FARS2: variants seen among roughly 807,000 people sequenced by gnomAD.
The protein encoded by FARS2 is phenylalanyl-tRNA synthetase 2, mitochondrial.
In FARS2, 40 loss-of-function variants were observed where a neutral mutation model predicts 46.4. The ratio of observed to expected loss-of-function variants is 0.86; its 90% CI spans 0.67 to 1.12. The LOEUF is 1.12. Ranked by LOEUF, FARS2 falls within the 50% of genes most tolerant of loss-of-function variation. The probability of loss-of-function intolerance (pLI) is 0.00; values close to 1 mark genes in which losing one functional copy is unlikely to be tolerated. For synonymous variants in FARS2, 234 were observed against 214.9 expected, an observed-to-expected ratio of 1.09 and a Z score of -0.78; for missense variants, 513 against 567.9, an observed-to-expected ratio of 0.90 and a Z score of 0.98.
At chr6:5,572,311 G>A (rs1366719089) in intron 5 of FARS2, among the ~76,000 whole-genome samples, 2 of 151,884 alleles carry the variant, frequency 1.3e-5, no homozygotes, top group African/African-American at 2.4e-5. Flanking sequence ...GACAGTTGGG[G>A]GTGGGGAGGT....
At chr6:5,623,449 C>T (rs1298924462) in intron 6 of FARS2, among the ~76,000 whole-genome samples, 2 of 152,142 alleles carry the variant, frequency 1.3e-5, no homozygotes, top group Admixed American at 6.5e-5. Flanking sequence ...CACGGTGGCT[C>T]ATGTGTGTAA....
intron 5 of FARS2, among the ~76,000 whole-genome samples, chr6:5,609,058 A>G (rs1189214983): frequency 6.6e-6 from 1 of 152,170 alleles, no homozygotes; most frequent in Non-Finnish European, 1.5e-5. Flanking sequence ...TCACAAATAC[A>G]GTCCTCAGTT....
intron 6 of FARS2, among the ~76,000 whole-genome samples, chr6:5,729,320 A>G (rs1760478208): frequency 6.6e-6 from 1 of 152,274 alleles, no homozygotes; most frequent in Middle Eastern, 3.4e-3. Context: ...GGAGGTGTCC[A>G]GTTAGGCCCT....
At chr6:5,530,580 A>C (rs1277134069) in intron 4 of FARS2, among the ~76,000 whole-genome samples, 1 of 151,324 alleles carries the variant, frequency 6.6e-6, no homozygotes, top group African/African-American at 2.4e-5. Flanking sequence ...TATACACAGA[A>C]GTATTCAGTG....
chr6:5,660,098 T>A (rs939560499), intron 6 of FARS2, among the ~76,000 whole-genome samples: 1 of 152,186 alleles, frequency 6.6e-6, no homozygotes. Context: ...TCCACCAATC[T>A]TGCACTCTCT....
chr6:5,712,398 C>T (rs1345482731), intron 6 of FARS2, among the ~76,000 whole-genome samples: 1 of 152,190 alleles, frequency 6.6e-6, no homozygotes, highest in Non-Finnish European at 1.5e-5. Flanking sequence ...CCAGGCCTCC[C>T]AGTCTCTTGC....
chr6:5,570,012 A>G (rs1010667253), intron 5 of FARS2, among the ~76,000 whole-genome samples: 10 of 152,314 alleles, frequency 6.6e-5, no homozygotes, highest in African/African-American at 2.2e-4. Context: ...GGATCCTTCA[A>G]TTCTTGAACC....
chr6:5,733,110 C>A (rs1760741570), intron 6 of FARS2, among the ~76,000 whole-genome samples: 1 of 152,296 alleles, frequency 6.6e-6, no homozygotes, highest in South Asian at 2.1e-4. Flanking sequence ...AGATAATTAA[C>A]CTCAGGGTCA....
chr6:5,672,272 A>C (rs1014080493), intron 6 of FARS2, among the ~76,000 whole-genome samples: 1 of 152,162 alleles, frequency 6.6e-6, no homozygotes, highest in Non-Finnish European at 1.5e-5. Flanking sequence ...GCCCGCCCTA[A>C]GACTCTATCC....
chr6:5,445,227 T>G (rs529339066), intron 4 of FARS2, among the ~76,000 whole-genome samples: 32 of 152,116 alleles, frequency 2.1e-4, no homozygotes, highest in Non-Finnish European at 4.0e-4. Flanking sequence ...CTCATATAAT[T>G]GGATTTTATT....
chr6:5,406,589 C>A (rs1307258559), intron 3 of FARS2, among the ~76,000 whole-genome samples: 2 of 152,194 alleles, frequency 1.3e-5, no homozygotes, highest in African/African-American at 2.4e-5. Flanking sequence ...TGAAATTCAT[C>A]CATATCATAG....
intron 1 of FARS2, among the ~76,000 whole-genome samples, chr6:5,332,718 A>C (rs1447825120): frequency 6.6e-6 from 1 of 152,218 alleles, no homozygotes; most frequent in East Asian, 1.9e-4. Context: ...AACAAGGGCA[A>C]TGTTATGTGG....
In FARS2 at chr6:5,687,260, C is replaced by T. The variant is rs191596288; in HGVS notation, c.1217+73940C>T. Among the ~76,000 whole-genome samples, 348 of 152,196 alleles carry T rather than the reference C, an allele frequency of 2.3e-3. 2 individuals carry two copies. Among genetic ancestry groups the T allele is most frequent in the Non-Finnish European group, 4.0e-3 (272 of 67,974 alleles). The stretch of plus-strand genomic sequence containing the variant: ...GCCATTGCTTTTGGTGTTTTAGACA[C>T]GAAGTCCTTGCCCATGCCTATGCCC... On this transcript the variant is annotated intron_variant, in intron 6 of 6. Coordinates refer to ENST00000274680, the MANE Select transcript of FARS2 (RefSeq NM_006567.5).
chr6:5,277,157 TCA>T (rs1370522000), intron 1 of FARS2, among the ~76,000 whole-genome samples: 1 of 152,134 alleles, frequency 6.6e-6, no homozygotes, highest in Non-Finnish European at 1.5e-5. Context: ...CAGCGTCATG[TCA>T]CACAAAGCTT....
At chr6:5,432,966 C>G (rs1329724211) in intron 4 of FARS2, among the ~76,000 whole-genome samples, 1 of 152,114 alleles carries the variant, frequency 6.6e-6, no homozygotes, top group African/African-American at 2.4e-5. Context: ...CTGGACTCCA[C>G]AAGCTCCCAG....
intron 1 of FARS2, among the ~76,000 whole-genome samples, chr6:5,328,120 A>T (rs1249712082): frequency 6.6e-6 from 1 of 152,192 alleles, no homozygotes; most frequent in African/African-American, 2.4e-5. Flanking sequence ...ATTTTTGATA[A>T]CTAAATGTAT....
intron 5 of FARS2, among the ~76,000 whole-genome samples, chr6:5,553,819 C>T (rs902599127): frequency 6.6e-6 from 1 of 151,978 alleles, no homozygotes; most frequent in African/African-American, 2.4e-5. Context: ...TAACAGTCTC[C>T]CAGGTGAAGC....
At chr6:5,616,900 A>G (rs569883643) in intron 6 of FARS2, among the ~76,000 whole-genome samples, 2 of 152,100 alleles carry the variant, frequency 1.3e-5, no homozygotes, top group South Asian at 4.2e-4. Context: ...TTACAGAGAG[A>G]TGCTAAAAAC....
chr6:5,696,415 G>A (rs1172642320), intron 6 of FARS2, among the ~76,000 whole-genome samples: 1 of 151,986 alleles, frequency 6.6e-6, no homozygotes, highest in Non-Finnish European at 1.5e-5. Flanking sequence ...ATAGGGCATG[G>A]CACATATATT....
Sources: allele counts gnomAD v4.1 joint callset (sites outside exome capture counted in the v4.1 genomes callset), GRCh38; gene constraint gnomAD v4.1.1; transcripts MANE v1.5; gene names NCBI Gene and HGNC (gene_info 2026-07-23, HGNC 2026-07-21).